The following ABCC5 variants were observed in gnomAD, a reference collection of about 807,000 sequenced individuals.
ABCC5 encodes the protein ATP-binding cassette sub-family C member 5.
ABCC5 carries 61 observed loss-of-function variants against 160.9 expected under a neutral mutation model. The ratio of observed to expected loss-of-function variants is 0.38; its 90% confidence interval spans 0.31 to 0.47. The LOEUF (loss-of-function observed/expected upper bound fraction) is 0.47, where lower values mean the gene tolerates loss of function less well. Among genes scored for constraint, ABCC5 ranks in the 20% least tolerant of loss-of-function variants. The pLI, the probability that ABCC5 is intolerant of heterozygous loss-of-function variation, is 0.99. For synonymous variants in ABCC5, 666 were observed against 700.6 expected (o/e 0.95, Z 0.78); for missense variants, 1,308 against 1,813.3 (o/e 0.72, Z 5.06).
At chr3:183,950,590 C>A (rs1715254603) in intron 20 of ABCC5, among the ~76,000 whole-genome samples, 1 of 152,180 alleles carries the variant, frequency 6.6e-6, no homozygotes, top group African/African-American at 2.4e-5. Context: ...GTCTCCCCAC[C>A]CCACCGCCTT....
At chr3:183,942,697 G>A (rs1479592991) in intron 25 of ABCC5, 30 bp downstream of exon 25, 1 of 1,601,350 alleles carries the variant, frequency 6.2e-7, no homozygotes, top group Non-Finnish European at 8.5e-7. Flanking sequence ...ACGTTCCAAT[G>A]GATTCAAAGA....
At position 183,989,296 on chromosome 3, in the gene ABCC5, C is replaced by T. The variant is rs768504725; in HGVS notation, c.217G>A (p.Asp73Asn). Residue 73 changes from aspartate to asparagine, a missense_variant, in exon 3 of 30, where the codon GAT becomes AAT. Physicochemically the swap from Asp to Asn is conservative, Grantham distance 23 (BLOSUM62 1). Transcript: ENST00000334444. ...ASMHSQLRIL[D>N]EEHPKGKYHH... is the part of the protein sequence containing the mutation. ...TACTTTCCCTTGGGATGCTCCTCAT[C>T]CAGGATTCTGAGCTGAGAATGCATG... The T allele has an allele frequency of 6.2e-7, 1 of 1,614,040 alleles. No homozygotes were observed. Among genetic ancestry groups the T allele is most frequent in the African/African-American group, 1.3e-5 (1 of 74,986 alleles).
rs751500333 is a variant in ABCC5 at position 183,951,526 on chromosome 3, T to G, written c.2859A>C (p.Arg953=). 2 of 1,614,162 alleles carry G rather than the reference T, an allele frequency of 1.2e-6. No homozygotes were observed. Among genetic ancestry groups the G allele is most frequent in the South Asian group, 1.1e-5 (1 of 91,076 alleles). ...ACTTCATAGGGCTTCGAAGGATCCT[T>G]CGGAAAAGCTCGTCATGCAGCCGGG... ...ASSRLHDELF[R]RILRSPMKFF... Residue 953 remains arginine, a synonymous_variant, in exon 20 of 30, where the codon CGA becomes CGC. Coordinates refer to ENST00000334444, the MANE Select transcript of ABCC5 (RefSeq NM_005688.4). The surrounding 1 kb of genome is among the most constrained non-coding windows in gnomAD (Gnocchi z 4.7).
In ABCC5 at chr3:183,980,722, T is replaced by TG. The variant is rs1560028758; in HGVS notation, c.1147+1004_1147+1005insC. Among the ~76,000 whole-genome samples, 32 of 152,006 alleles carry TG rather than the reference T, an allele frequency of 2.1e-4. 1 individual carries two copies. The highest frequency in any genetic ancestry group is 7.2e-4 in the African/African-American group (30 of 41,500). On this transcript the variant is annotated intron_variant, in intron 8 of 29. Coordinates refer to ENST00000334444, the MANE Select transcript of ABCC5 (RefSeq NM_005688.4). ...GCTCTGAACACTGTTTTGTTTTTTT[T>TG]TTTTTTTTTTGAGACAGTCTCGCTG...
rs569907601 is a variant in ABCC5, at chr3:184,006,389, A to G, written c.129+7875T>C. On this transcript the variant is annotated intron_variant, in intron 2 of 29. Transcript: ENST00000334444. ...GAGTCACCGAGTATCAATCAAGAGA[A>G]AAATAATGCAGAGCTGCAAAATGCT... 4 of 152,224 alleles carry G rather than the reference A, an allele frequency of 2.6e-5. No individual in the cohort carries two copies. The East Asian group carries it at 5.8e-4, about 22-fold the overall frequency. The allele number at this position is 152,224 out of a possible 1,614,324, so 9.4% of individuals were successfully genotyped here.
intron 15 of ABCC5, among the ~76,000 whole-genome samples, chr3:183,962,490 G>T (rs1000624306): frequency 7.3e-5 from 11 of 151,312 alleles, no homozygotes; most frequent in African/African-American, 2.7e-4. Context: ...AGTGTATTGT[G>T]CCTCGTGACA....
At position 183,951,528 on chromosome 3, in the gene ABCC5, G is replaced by A; in HGVS notation, c.2857C>T (p.Arg953Ter). ...ASSRLHDELF[R>*]RILRSPMKFF... ...TTCATAGGGCTTCGAAGGATCCTTC[G>A]GAAAAGCTCGTCATGCAGCCGGGAG... Residue 953 changes from arginine (R) to a stop codon, truncating the protein, a stop_gained, in exon 20 of 30, where the codon CGA becomes TGA. Transcript: ENST00000334444. LOFTEE classifies it high-confidence loss of function. The surrounding 1 kb of genome is among the most constrained non-coding windows in gnomAD (Gnocchi z 4.7). The A allele has an allele frequency of 1.9e-6, 3 of 1,614,202 alleles. No individual in the cohort carries two copies. Among genetic ancestry groups the A allele is most frequent in the East Asian group, 2.2e-5 (1 of 44,878 alleles).
At chr3:183,948,666 GT>G (rs1009949719) in intron 22 of ABCC5, among the ~76,000 whole-genome samples, 40 of 147,948 alleles carry the variant, frequency 2.7e-4, no homozygotes, top group African/African-American at 4.2e-4. Flanking sequence ...CAACTAACAG[GT>G]TTTTTTTTTA....
intron 25 of ABCC5, among the ~76,000 whole-genome samples, chr3:183,938,318 A>G (rs1713948042): frequency 6.6e-6 from 1 of 150,988 alleles, no homozygotes; most frequent in South Asian, 2.1e-4. Context: ...TTTTTTTTTG[A>G]GACGGAGTCT....
At chr3:183,962,137 A>G (rs927479237) in intron 15 of ABCC5, among the ~76,000 whole-genome samples, 2 of 152,206 alleles carry the variant, frequency 1.3e-5, no homozygotes, top group African/African-American at 4.8e-5. Context: ...GATAAACCCA[A>G]CGTAAATTGA....
chr3:183,971,320 C>T (rs972057824), intron 11 of ABCC5, among the ~76,000 whole-genome samples: 1 of 152,170 alleles, frequency 6.6e-6, no homozygotes, highest in African/African-American at 2.4e-5. Flanking sequence ...GGAAAATCCT[C>T]TTGAATGTTT....
chr3:183,967,586 G>C (rs1191455060), intron 12 of ABCC5, 109 bp downstream of exon 12: 1 of 927,228 alleles, frequency 1.1e-6, no homozygotes, highest in Admixed American at 1.7e-5. Context: ...GCAGGCTGAG[G>C]GTTCATTTGT....
chr3:183,966,789 A>G (rs547951690), intron 12 of ABCC5, among the ~76,000 whole-genome samples: 6 of 152,274 alleles, frequency 3.9e-5, no homozygotes, highest in Non-Finnish European at 7.4e-5. Context: ...ACCACCCTCA[A>G]GGAGGACCAC....
intron 25 of ABCC5, among the ~76,000 whole-genome samples, chr3:183,941,857 C>T (rs1003479037): frequency 1.3e-5 from 2 of 151,760 alleles, no homozygotes; most frequent in Middle Eastern, 3.4e-3. Flanking sequence ...CCCTGTAGTC[C>T]CAGCTACGTG....
At chr3:183,925,790 T>C in intron 28 of ABCC5, 71 bp from the exon 29 acceptor site, 2 of 1,459,228 alleles carry the variant, frequency 1.4e-6, no homozygotes, top group Non-Finnish European at 1.9e-6. Context: ...TAGATTTTAC[T>C]AAAATGTATT....
chr3:183,956,216 G>A (rs550057809), intron 17 of ABCC5, among the ~76,000 whole-genome samples: 4 of 145,916 alleles, frequency 2.7e-5, no homozygotes, highest in East Asian at 4.3e-4. Context: ...ATGCAGATCC[G>A]TGTGTAAATC....
chr3:183,984,723 G>T lies in ABCC5; in HGVS notation c.592-1716C>A, dbSNP rs1405419412. Reference sequence around the variant, plus strand: ...CACCACTGTATACAGCCGGGTTGCTGGTTTACTAGCAAGAAGATTGGCTTC... The same window carrying T: ...CACCACTGTATACAGCCGGGTTGCTTGTTTACTAGCAAGAAGATTGGCTTC... On this transcript the variant is annotated intron_variant, in intron 5 of 29. Coordinates refer to ENST00000334444, the MANE Select transcript of ABCC5 (RefSeq NM_005688.4). 15 of 1,531,758 alleles carry T rather than the reference G, an allele frequency of 9.8e-6. No homozygotes were observed. In the East Asian group the frequency reaches 3.7e-4, roughly 38 times the overall value. The allele number at this position is 1,531,758 out of a possible 1,614,324, so 94.9% of individuals were successfully genotyped here.
intron 27 of ABCC5, 28 bp from the exon 28 acceptor site, chr3:183,927,471 G>A (rs1712699297): frequency 6.9e-6 from 11 of 1,594,572 alleles, no homozygotes; most frequent in Non-Finnish European, 9.4e-6. Flanking sequence ...AGAGATCAGA[G>A]GGGTAAGAAA....
intron 2 of ABCC5, among the ~76,000 whole-genome samples, chr3:183,998,983 G>A (rs531159938): frequency 7.2e-5 from 11 of 151,982 alleles, no homozygotes; most frequent in African/African-American, 2.7e-4. Flanking sequence ...CCAGCTACTC[G>A]GGAGGGTGAG....
Sources: allele counts gnomAD v4.1 joint callset (sites outside exome capture counted in the v4.1 genomes callset), GRCh38; gene constraint gnomAD v4.1.1; non-coding constraint Gnocchi (gnomAD v3.1); transcripts MANE v1.5; gene names NCBI Gene and HGNC (gene_info 2026-07-23, HGNC 2026-07-21).